DNAH9: variants seen among roughly 807,000 people sequenced by gnomAD.
DNAH9 encodes the protein DNAH9 variant protein.
DNAH9 carries 345 observed loss-of-function variants against 471.6 expected under a neutral mutation model. The observed-to-expected ratio is 0.73, with a 90% CI of 0.67 to 0.80. The LOEUF (loss-of-function observed/expected upper bound fraction) is 0.80, where lower values mean the gene tolerates loss of function less well. Ranked by LOEUF, DNAH9 falls within the 30% of genes least tolerant of loss-of-function variation. The pLI is 0.00. For missense variants in DNAH9, 5,407 were observed against 5,609.2 expected, an observed-to-expected ratio of 0.96 and a Z score of 1.15; for synonymous variants, 2,093 against 2,123.6, an observed-to-expected ratio of 0.99 and a Z score of 0.40.
At chr17:11,843,047 A>G (rs1187655398) in intron 49 of DNAH9, among the ~76,000 whole-genome samples, 1 of 152,226 alleles carries the variant, frequency 6.6e-6, no homozygotes, top group East Asian at 1.9e-4. Flanking sequence ...TCGCTAGCAG[A>G]TGAAAACCAA....
At chr17:11,846,078 A>G (rs1252978063) in intron 49 of DNAH9, among the ~76,000 whole-genome samples, 2 of 151,082 alleles carry the variant, frequency 1.3e-5, no homozygotes, top group Non-Finnish European at 2.9e-5. Flanking sequence ...GTCCTTGCCC[A>G]TGCCTATGTC....
intron 49 of DNAH9, among the ~76,000 whole-genome samples, chr17:11,852,814 G>GTGTGTATATATATATA (rs1169950713): frequency 3.2e-5 from 3 of 92,676 alleles, no homozygotes; most frequent in East Asian, 3.8e-4. Flanking sequence ...GTGTGTGTGT[G>GTGTGTATATATATATA]TATATATATA....
At chr17:11,748,648 A>G (rs1033399788) in intron 32 of DNAH9, among the ~76,000 whole-genome samples, 16 of 152,158 alleles carry the variant, frequency 1.1e-4, no homozygotes, top group African/African-American at 3.9e-4. Context: ...AGTGATTCAG[A>G]GGCCCCCAAC....
intron 19 of DNAH9, among the ~76,000 whole-genome samples, chr17:11,688,924 C>T (rs2074285716): frequency 6.6e-6 from 1 of 151,818 alleles, no homozygotes; most frequent in Admixed American, 6.6e-5. Flanking sequence ...GGTGAAACCC[C>T]GTCTCTACTA....
intron 67 of DNAH9, chr17:11,953,817 G>T (rs1338261937): frequency 6.6e-6 from 1 of 150,394 alleles, no homozygotes; most frequent in African/African-American, 2.4e-5. Flanking sequence ...CAGAGACAAT[G>T]GAAGACAAAG....
Position 11,747,900 on chromosome 17 carries a change from A to G in DNAH9, c.6610+134A>G, listed in dbSNP as rs73975089. ...TTGGAACCGCGGAGGGAGACAAAAAAGCCAGTAGAAAGGGAGAAACCAATT... is the reference window on the plus strand; with the variant it reads ...TTGGAACCGCGGAGGGAGACAAAAAGGCCAGTAGAAAGGGAGAAACCAATT... On this transcript the variant is annotated intron_variant, in intron 32 of 68. Coordinates refer to ENST00000262442, the MANE Select transcript of DNAH9 (RefSeq NM_001372.4). The G allele has an allele frequency of 8.1e-3, 6,498 of 804,742 alleles. 327 individuals carry two copies. In the African/African-American group the frequency reaches 0.1, roughly 12 times the overall value. 49.9% of individuals were successfully genotyped at this position (804,742 alleles called of 1,614,324 possible).
At chr17:11,742,460 A>C (rs992834190) in intron 30 of DNAH9, 147 bp downstream of exon 30, 3 of 713,172 alleles carry the variant, frequency 4.2e-6, no homozygotes, top group Admixed American at 3.1e-5. Flanking sequence ...ACCTCTGAAC[A>C]CTTCCATATT....
At chr17:11,813,361 T>C (rs1969989934) in intron 45 of DNAH9, among the ~76,000 whole-genome samples, 1 of 152,198 alleles carries the variant, frequency 6.6e-6, no homozygotes, top group African/African-American at 2.4e-5. Flanking sequence ...AATTAGAGTA[T>C]ATCTTGGTTC....
chr17:11,838,910 A>G (rs559528194), intron 49 of DNAH9, among the ~76,000 whole-genome samples: 125 of 152,288 alleles, frequency 8.2e-4, no homozygotes, highest in Middle Eastern at 3.4e-3. Flanking sequence ...CTGTTTTCTC[A>G]TTATTTTCAA....
At chr17:11,905,047 C>CA (rs1454464452) in intron 60 of DNAH9, among the ~76,000 whole-genome samples, 1 of 151,810 alleles carries the variant, frequency 6.6e-6, no homozygotes, top group Non-Finnish European at 1.5e-5. Context: ...TCCTGGCCAA[C>CA]ATGGTGAAAC....
chr17:11,715,420 C>T (rs562661091), intron 26 of DNAH9, among the ~76,000 whole-genome samples: 1 of 152,254 alleles, frequency 6.6e-6, no homozygotes, highest in South Asian at 2.1e-4. Flanking sequence ...TTAGAACCAG[C>T]CCACTGTGGA....
At chr17:11,677,407 C>G (rs1016661750) in intron 17 of DNAH9, among the ~76,000 whole-genome samples, 2 of 152,190 alleles carry the variant, frequency 1.3e-5, no homozygotes, top group African/African-American at 4.8e-5. Context: ...TTCTTTATCA[C>G]TAGCAATATG....
chr17:11,950,018 G>T (rs1370224613), intron 67 of DNAH9, among the ~76,000 whole-genome samples: 1 of 152,170 alleles, frequency 6.6e-6, no homozygotes, highest in Admixed American at 6.5e-5. Context: ...AATGATGTTA[G>T]ATTTCTGAAG....
chr17:11,612,891 A>G (rs961902283), intron 4 of DNAH9: 9 of 152,246 alleles, frequency 5.9e-5, no homozygotes, highest in Non-Finnish European at 8.8e-5. Context: ...AGCCCACTAC[A>G]TAAAACGAAT....
chr17:11,946,528 G>T (rs1469166563), intron 67 of DNAH9, among the ~76,000 whole-genome samples: 1 of 151,032 alleles, frequency 6.6e-6, no homozygotes, highest in Non-Finnish European at 1.5e-5. Context: ...GCCAGGCGTG[G>T]TGGCAGGCAC....
intron 50 of DNAH9, among the ~76,000 whole-genome samples, chr17:11,860,503 TA>T (rs1971804040): frequency 1.3e-5 from 2 of 152,350 alleles, no homozygotes; most frequent in South Asian, 2.1e-4. Context: ...TCTGAGTTGC[TA>T]ATTTTTTGTG....
At chr17:11,647,896 G>A (rs2073425239) in intron 12 of DNAH9, among the ~76,000 whole-genome samples, 1 of 152,220 alleles carries the variant, frequency 6.6e-6, no homozygotes, top group South Asian at 2.1e-4. Flanking sequence ...ATGGCATTTA[G>A]TGGATAGATA....
chr17:11,669,643 C>T lies in DNAH9; in HGVS notation c.3202C>T (p.Leu1068Phe), dbSNP rs953638273. The T allele has an allele frequency of 3.7e-6, 6 of 1,614,202 alleles. No homozygotes were observed. Among genetic ancestry groups the T allele is most frequent in the Non-Finnish European group, 5.1e-6 (6 of 1,180,040 alleles). The change falls in exon 17 of 69, where the codon CTC (leucine) becomes TTC (phenylalanine). Residue 1068 changes from leucine (L) to phenylalanine (F), a missense_variant. Leu to Phe is a conservative substitution (Grantham distance 22, BLOSUM62 0). Transcript: ENST00000262442. Reference protein sequence around the residue: ...FKVQIDSYETLYEEVCRLEPI... With the variant: ...FKVQIDSYETFYEEVCRLEPI... ...AGTGCAAATCGACTCCTATGAAACG[C>T]TCTATGAAGAGGTGTGCAGGCTGGA... is the stretch of plus-strand genomic sequence containing the variant.
chr17:11,623,684 A>G lies in DNAH9; in HGVS notation c.1350+3903A>G, dbSNP rs1439262500. Among the ~76,000 whole-genome samples, 1 of 152,174 alleles carries G rather than the reference A, an allele frequency of 6.6e-6. No individual in the cohort carries two copies. Among genetic ancestry groups the G allele is most frequent in the African/African-American group, 2.4e-5 (1 of 41,440 alleles). ...AAATGGGATTAATCTGCTCCTCTCC[A>G]GTAAGAATTATCATGAACTTAGCCT... On this transcript the variant is annotated intron_variant, in intron 6 of 68. Transcript: ENST00000262442. This position sits in a 1 kb window ranked among gnomAD's most constrained non-coding sequence, Gnocchi z 4.1.
Sources: gnomAD v4.1 joint callset for allele counts (sites outside exome capture counted in the v4.1 genomes callset) on GRCh38, gnomAD v4.1.1 for gene constraint, Gnocchi (gnomAD v3.1) non-coding constraint, MANE v1.5 for transcripts, NCBI Gene and HGNC (gene_info 2026-07-23, HGNC 2026-07-21) for gene names.